The following OGFOD3 variants were observed in gnomAD, a reference collection of about 807,000 sequenced individuals.
OGFOD3 encodes 2-oxoglutarate and iron dependent oxygenase domain containing 3.
In OGFOD3, 35 loss-of-function variants were observed where a neutral mutation model predicts 39.8. That is an observed-to-expected ratio of 0.88 (90% CI 0.67 to 1.17). The LOEUF is 1.17. Ranked by LOEUF, OGFOD3 falls within the 50% of genes most tolerant of loss-of-function variation. The pLI is 0.00. For missense variants in OGFOD3, 438 were observed against 454.5 expected (o/e 0.96, Z 0.33); for synonymous variants, 200 against 192.0 (o/e 1.04, Z -0.34).
chr17:82,408,193 G>GT (rs200084094), intron 4 of OGFOD3, among the ~76,000 whole-genome samples: 1,637 of 152,268 alleles, frequency 0.011, 115 homozygotes, highest in Admixed American at 0.098. Context: ...AGAGAAAAGA[G>GT]TTTGCAGAAA....
At chr17:82,405,680 T>C (rs776610364) in intron 5 of OGFOD3, among the ~76,000 whole-genome samples, 2 of 152,016 alleles carry the variant, frequency 1.3e-5, no homozygotes, top group Non-Finnish European at 2.9e-5. Context: ...CTGGGCATGG[T>C]GGTGCGTGCC....
Position 82,390,266 on chromosome 17 carries a change from A to G in OGFOD3, c.*2132T>C, listed in dbSNP as rs2052584403. 6.6e-6 allele frequency: 1 copy of G among 152,276 alleles called. No homozygotes were observed. The highest frequency in any genetic ancestry group is 2.4e-5 in the African/African-American group (1 of 41,462). The allele number at this position is 152,276 out of a possible 1,614,324, so 9.4% of individuals were successfully genotyped here. ...TCCAAGGTGACAGGATCAGGTTTCC[A>G]TGCAGCATTTTCCACCTGCCCCGAC... is the stretch of plus-strand genomic sequence containing the variant. On this transcript the variant is annotated 3_prime_UTR_variant, in exon 9 of 9. Coordinates refer to ENST00000313056, the MANE Select transcript of OGFOD3 (RefSeq NM_024648.3). This position sits in a 1 kb window ranked among gnomAD's most constrained non-coding sequence, Gnocchi z 4.9.
intron 4 of OGFOD3, among the ~76,000 whole-genome samples, chr17:82,408,249 G>C (rs1323532207): frequency 2.0e-5 from 3 of 152,236 alleles, no homozygotes; most frequent in Admixed American, 6.5e-5. Flanking sequence ...TTCTCAAAGA[G>C]TCTATAAATT....
Position 82,406,516 on chromosome 17 carries a change from C to CATTGCCATTGCTGCG in OGFOD3, c.424-35_424-34insCGCAGCAATGGCAAT. ...GACGTTGTGGAGTAAAGCGTGCAGC[C>CATTGCCATTGCTGCG]GCAGCAATGGCAATGGCTGTTAAAA... On this transcript the variant is annotated intron_variant, in intron 4 of 8. Transcript: ENST00000313056. The surrounding 1 kb of genome is among the most constrained non-coding windows in gnomAD (Gnocchi z 5.2). 6.3e-7 allele frequency: 1 copy of CATTGCCATTGCTGCG among 1,585,156 alleles called. No homozygotes were observed. Among genetic ancestry groups the CATTGCCATTGCTGCG allele is most frequent in the Non-Finnish European group, 8.7e-7 (1 of 1,153,798 alleles).
chr17:82,404,587 A>G lies in OGFOD3; in HGVS notation c.546-497T>C, dbSNP rs1294257427. 6.6e-6 allele frequency among the ~76,000 whole-genome samples: 1 copy of G among 151,984 alleles called. No individual in the cohort carries two copies. The highest frequency in any genetic ancestry group is 2.4e-5 in the African/African-American group (1 of 41,368). On this transcript the variant is annotated intron_variant, in intron 6 of 8. Transcript: ENST00000313056. This position sits in a 1 kb window ranked among gnomAD's most constrained non-coding sequence, Gnocchi z 4.5. ...CTCAGAAGACCCCATGTGCCAGGCC[A>G]GAGCGGCTCTGAAATGGATGTCTGG...
intron 2 of OGFOD3, among the ~76,000 whole-genome samples, chr17:82,412,190 G>A (rs1188672860): frequency 2.0e-5 from 3 of 152,164 alleles, no homozygotes; most frequent in Non-Finnish European, 2.9e-5. Flanking sequence ...GAACTGCTCC[G>A]CACATGCCCC....
chr17:82,403,223 G>T (rs1010740022), intron 7 of OGFOD3, among the ~76,000 whole-genome samples: 2 of 152,172 alleles, frequency 1.3e-5, no homozygotes, highest in Non-Finnish European at 2.9e-5. Flanking sequence ...ACCACAGGCC[G>T]TGTGGGCCGG....
At chr17:82,405,531 C>T (rs548754040) in intron 5 of OGFOD3, 151 bp from the exon 6 acceptor site, 5 of 706,922 alleles carry the variant, frequency 7.1e-6, no homozygotes, top group Admixed American at 4.5e-5. Flanking sequence ...ATAAAGGAGC[C>T]GGGCCGGGCG....
intron 1 of OGFOD3, among the ~76,000 whole-genome samples, chr17:82,416,320 T>C (rs927048726): frequency 2.0e-5 from 3 of 152,244 alleles, no homozygotes; most frequent in Non-Finnish European, 4.4e-5. Context: ...TAAAAGGGTT[T>C]GCTTAGCAAA....
intron 1 of OGFOD3, among the ~76,000 whole-genome samples, chr17:82,416,869 T>A (rs1487155347): frequency 1.3e-5 from 2 of 151,956 alleles, no homozygotes; most frequent in Non-Finnish European, 1.5e-5. Flanking sequence ...GAGACGGGGT[T>A]TCACCACGTT....
rs1422213494 is a variant in OGFOD3, at chr17:82,403,926, G to GGCGCGCTCACCTTGTCCACGT, written c.689_699+10dup. The GGCGCGCTCACCTTGTCCACGT allele has an allele frequency of 3.8e-6, 6 of 1,592,696 alleles. No individual in the cohort carries two copies. The highest frequency in any genetic ancestry group is 2.3e-5 in the East Asian group (1 of 44,172). ...CACGGGCACGCTCACCCTGCCCACG[G>GGCGCGCTCACCTTGTCCACGT]GCGCGCTCACCTTGTCCACGTGCGC... On this transcript the variant is annotated intron_variant, in intron 7 of 8. Transcript: ENST00000313056.
chr17:82,398,142 C>T lies in OGFOD3; in HGVS notation c.823+54G>A, dbSNP rs181780139. On this transcript the variant is annotated intron_variant, in intron 8 of 8. Coordinates refer to ENST00000313056, the MANE Select transcript of OGFOD3 (RefSeq NM_024648.3). ...CCCAGGGACACGCCCCCCACACCCACCGTGCTTGCCTGAGCCAGGAGCCCC... is the reference window on the plus strand; with the variant it reads ...CCCAGGGACACGCCCCCCACACCCATCGTGCTTGCCTGAGCCAGGAGCCCC... 1,370 of 1,609,380 alleles carry T rather than the reference C, an allele frequency of 8.5e-4. 9 individuals carry two copies. In the African/African-American group the frequency reaches 0.016, roughly 19 times the overall value.
chr17:82,415,591 C>A lies in OGFOD3; in HGVS notation c.111G>T (p.Arg37Ser). The A allele has an allele frequency of 6.2e-7, 1 of 1,613,380 alleles. No homozygotes were observed. Among genetic ancestry groups the A allele is most frequent in the African/African-American group, 1.3e-5 (1 of 75,062 alleles). The part of the protein sequence containing the change: ...KKDRAPREVQ[R>S]LWQRPWLRTA... ...TCCTTAGCCACGGCCTCTGCCACAGCCTCTGCACCTCCCGCGGGGCTCGGT... is the reference window on the plus strand; with the variant it reads ...TCCTTAGCCACGGCCTCTGCCACAGACTCTGCACCTCCCGCGGGGCTCGGT... Residue 37 changes from arginine (R) to serine (S), a missense_variant, in exon 2 of 9, where the codon AGG (arginine) becomes AGT (serine). By Grantham distance (110) the Arg-to-Ser change is moderately radical. Coordinates refer to ENST00000313056, the MANE Select transcript of OGFOD3 (RefSeq NM_024648.3). The surrounding 1 kb of genome is among the most constrained non-coding windows in gnomAD (Gnocchi z 5.3).
At chr17:82,411,755 A>G in intron 2 of OGFOD3, 1 of 544,832 alleles carries the variant, frequency 1.8e-6, no homozygotes, top group Non-Finnish European at 3.3e-6. Flanking sequence ...TTTAATCCAG[A>G]GGCACCTGTT....
intron 7 of OGFOD3, among the ~76,000 whole-genome samples, chr17:82,399,019 A>AGG (rs58634254): frequency 3.8e-5 from 4 of 104,232 alleles, no homozygotes; most frequent in Admixed American, 9.9e-5. Context: ...TGGTGGGGGC[A>AGG]GGGGGGCGGG....
intron 7 of OGFOD3, chr17:82,400,682 G>C (rs2052750335): frequency 6.6e-6 from 1 of 151,920 alleles, no homozygotes; most frequent in Admixed American, 6.6e-5. Context: ...AATCTTGTAG[G>C]ATGCATTACT....
In OGFOD3 at chr17:82,404,741, CTTT is replaced by C. The variant is rs869251737; in HGVS notation, c.545+580_545+582del. Among the ~76,000 whole-genome samples the C allele has an allele frequency of 7.5e-6, 1 of 133,178 alleles. No homozygotes were observed. 87.4% of individuals were successfully genotyped at this position (133,178 alleles called of 152,430 possible). On this transcript the variant is annotated intron_variant, in intron 6 of 8. Coordinates refer to ENST00000313056, the MANE Select transcript of OGFOD3 (RefSeq NM_024648.3). The surrounding 1 kb of genome is among the most constrained non-coding windows in gnomAD (Gnocchi z 4.5). ...CCAGCAGAATTTTTTCTTTTCTTTT[CTTT>C]TTTTTTTTTTTTTTTGAGATGAGGC...
chr17:82,398,551 C>G (rs987003010), intron 7 of OGFOD3, among the ~76,000 whole-genome samples: 4 of 152,126 alleles, frequency 2.6e-5, no homozygotes, highest in African/African-American at 9.7e-5. Flanking sequence ...AGGCACCCAC[C>G]ACCACACCCA....
rs562211937 is a variant in OGFOD3, at chr17:82,392,476, G to C, written c.882C>G (p.His294Gln). 3.7e-6 allele frequency: 6 copies of C among 1,610,606 alleles called. No individual in the cohort carries two copies. Among genetic ancestry groups the C allele is most frequent in the Non-Finnish European group, 5.1e-6 (6 of 1,178,820 alleles). ...TGGTGATGGCGTAACGGGTGCCCCA[G>C]TGGACCTTCTCCACGCGGTGTAGGT... is the stretch of plus-strand genomic sequence containing the variant. ...SENLHRVEKV[H>Q]WGTRYAITIA... Residue 294 changes from histidine to glutamine, a missense_variant, in exon 9 of 9, where the codon CAC becomes CAG. Coordinates refer to ENST00000313056, the MANE Select transcript of OGFOD3 (RefSeq NM_024648.3). This position sits in a 1 kb window ranked among gnomAD's most constrained non-coding sequence, Gnocchi z 4.2.
Sources: allele counts gnomAD v4.1 joint callset (sites outside exome capture counted in the v4.1 genomes callset), GRCh38; gene constraint gnomAD v4.1.1; non-coding constraint Gnocchi (gnomAD v3.1); transcripts MANE v1.5; gene names NCBI Gene and HGNC (gene_info 2026-07-23, HGNC 2026-07-21).